The following VDR variants were observed in gnomAD, a reference collection of about 807,000 sequenced individuals.
VDR encodes vitamin D3 receptor.
A neutral mutation model predicts 39.7 loss-of-function variants in VDR; 19 were observed. The ratio of observed to expected loss-of-function variants is 0.48; its 90% confidence interval spans 0.33 to 0.70. The LOEUF (loss-of-function observed/expected upper bound fraction) is 0.70. Ranked by LOEUF, VDR falls within the 30% of genes least tolerant of loss-of-function variation. The probability of loss-of-function intolerance (pLI) is 0.02; values close to 1 mark genes in which losing one functional copy is unlikely to be tolerated. For missense variants in VDR, 442 were observed against 570.5 expected, an observed-to-expected ratio of 0.77 and a Z score of 2.29; for synonymous variants, 242 against 215.8, an observed-to-expected ratio of 1.12 and a Z score of -1.07.
chr12:47,862,241 G>A (rs1363750647), intron 4 of VDR, among the ~76,000 whole-genome samples: 1 of 152,238 alleles, frequency 6.6e-6, no homozygotes, highest in Non-Finnish European at 1.5e-5. Context: ...GAGAGAAAAT[G>A]AGTCTTTGGT....
chr12:47,896,312 A>G (rs550948300), intron 1 of VDR, among the ~76,000 whole-genome samples: 20 of 152,184 alleles, frequency 1.3e-4, no homozygotes, highest in Non-Finnish European at 2.4e-4. Context: ...TAATGACACA[A>G]AGCAATTGCC....
intron 7 of VDR, among the ~76,000 whole-genome samples, chr12:47,850,247 C>G (rs1164791662): frequency 6.6e-6 from 1 of 152,184 alleles, no homozygotes; most frequent in East Asian, 1.9e-4. Context: ...TATACTAATT[C>G]TTTATCCTAC....
chr12:47,882,820 C>T lies in VDR; in HGVS notation c.-83-46G>A, dbSNP rs1157462591. The T allele has an allele frequency of 8.1e-6, 12 of 1,478,930 alleles. No individual in the cohort carries two copies. In the Admixed American group the frequency reaches 2.4e-4, roughly 30 times the overall value. The allele number at this position is 1,478,930 out of a possible 1,614,324, so 91.6% of individuals were successfully genotyped here. On this transcript the variant is annotated intron_variant, in intron 1 of 9. Transcript: ENST00000549336. ...CCTTTTATCTAAGGCGGAGCGCTGA[C>T]CGCCTCCCCAGTCTCTAAGGAAGTG...
intron 3 of VDR, among the ~76,000 whole-genome samples, chr12:47,868,368 T>C (rs1945779478): frequency 6.6e-6 from 1 of 152,226 alleles, no homozygotes; most frequent in Non-Finnish European, 1.5e-5. Context: ...CACCAGGCTA[T>C]CAGGGGCTCC....
chr12:47,875,720 C>A (rs1945986139), intron 3 of VDR, among the ~76,000 whole-genome samples: 1 of 152,178 alleles, frequency 6.6e-6, no homozygotes, highest in African/African-American at 2.4e-5. Context: ...AAACACTGTT[C>A]CTGGAGGAAA....
chr12:47,869,258 C>T (rs1473366388), intron 3 of VDR, among the ~76,000 whole-genome samples: 2 of 152,204 alleles, frequency 1.3e-5, no homozygotes, highest in South Asian at 2.1e-4. Flanking sequence ...AAGAGAAGGC[C>T]GGGCGCGGTG....
intron 3 of VDR, among the ~76,000 whole-genome samples, chr12:47,873,184 C>T (rs904527309): frequency 6.6e-6 from 1 of 152,038 alleles, no homozygotes; most frequent in Non-Finnish European, 1.5e-5. Context: ...AGTGAGTTCT[C>T]ACAAGATCTG....
At position 47,855,753 on chromosome 12, in the gene VDR, T is replaced by C. The variant is rs140331946; in HGVS notation, c.632A>G (p.Asp211Gly). The C allele has an allele frequency of 3.0e-5, 49 of 1,614,050 alleles. No homozygotes were observed. The highest frequency in any genetic ancestry group is 4.2e-5 in the Non-Finnish European group (49 of 1,180,012). ...SFSNLDLSEE[D>G]SDDPSVTLEL... Reference sequence around the variant, plus strand: ...TAGGGTCACAGAAGGGTCATCTGAATCTTCTTCACTCAGATCCAGATTGGA... The same window carrying C: ...TAGGGTCACAGAAGGGTCATCTGAACCTTCTTCACTCAGATCCAGATTGGA... Residue 211 changes from aspartate (D) to glycine (G), a missense_variant, in exon 7 of 10, where the codon GAT (aspartate) becomes GGT (glycine). By Grantham distance (94) the Asp-to-Gly change is moderately conservative. Around this residue, in one of 5 missense-constraint regions of VDR, gnomAD observed 77 missense variants for 67.4 expected, o/e 1.14. Coordinates refer to ENST00000549336, the MANE Select transcript of VDR (RefSeq NM_000376.3).
intron 1 of VDR, among the ~76,000 whole-genome samples, chr12:47,889,090 G>A (rs932312837): frequency 6.6e-6 from 1 of 152,048 alleles, no homozygotes; most frequent in Admixed American, 6.5e-5. Context: ...ATAAAAACAA[G>A]AGAGGAGAAG....
At chr12:47,876,620 A>G (rs918311231) in intron 3 of VDR, among the ~76,000 whole-genome samples, 23 of 152,224 alleles carry the variant, frequency 1.5e-4, no homozygotes, top group Admixed American at 1.5e-3. Context: ...AGGTGGCATC[A>G]TGTGCCCACA....
intron 3 of VDR, among the ~76,000 whole-genome samples, chr12:47,872,150 AT>A (rs1945896192): frequency 6.6e-6 from 1 of 152,250 alleles, no homozygotes; most frequent in Non-Finnish European, 1.5e-5. Context: ...TAAAAATGAA[AT>A]GCAGTCTTTG....
intron 7 of VDR, among the ~76,000 whole-genome samples, chr12:47,853,752 T>A (rs938120419): frequency 6.6e-6 from 1 of 151,874 alleles, no homozygotes; most frequent in African/African-American, 2.4e-5. Context: ...GGAAACTCTG[T>A]CTCAAAAAAA....
chr12:47,887,103 G>A (rs998054483), intron 1 of VDR, among the ~76,000 whole-genome samples: 13 of 152,112 alleles, frequency 8.5e-5, no homozygotes, highest in African/African-American at 3.1e-4. Context: ...CTTGAGGTCA[G>A]GAGTTCGAGA....
chr12:47,888,228 C>T (rs1225123559), intron 1 of VDR, among the ~76,000 whole-genome samples: 1 of 152,148 alleles, frequency 6.6e-6, no homozygotes, highest in Non-Finnish European at 1.5e-5. Flanking sequence ...AAACTGGCCC[C>T]CATGATTCAA....
In VDR at chr12:47,845,025, G is replaced by C; in HGVS notation, c.1025-20C>G. 6.2e-7 allele frequency: 1 copy of C among 1,608,530 alleles called. No homozygotes were observed. The highest frequency in any genetic ancestry group is 8.5e-7 in the Non-Finnish European group (1 of 1,179,766). ...GACGATCTGTGGGCACGGGGATAGAGAAGAAGGCACAGGAGCTCTCAGCTG... is the reference window on the plus strand; with the variant it reads ...GACGATCTGTGGGCACGGGGATAGACAAGAAGGCACAGGAGCTCTCAGCTG... On this transcript the variant is annotated intron_variant, in intron 9 of 9. Transcript: ENST00000549336.
chr12:47,879,648 A>G lies in VDR; in HGVS notation c.-2-533T>C, dbSNP rs191366819. Among the ~76,000 whole-genome samples the G allele has an allele frequency of 3.1e-3, 474 of 152,252 alleles. 1 individual carries two copies. The highest frequency in any genetic ancestry group is 5.5e-3 in the Non-Finnish European group (377 of 68,014). On this transcript the variant is annotated intron_variant, in intron 2 of 9. Transcript: ENST00000549336. Reference sequence around the variant, plus strand: ...CTCTTGAGGGTGGGGGGAATTGAGGATTTAGGTGCCCTGGTCATTCCAGCC... The same window carrying G: ...CTCTTGAGGGTGGGGGGAATTGAGGGTTTAGGTGCCCTGGTCATTCCAGCC...
chr12:47,868,381 A>AGCTC lies in VDR; in HGVS notation c.147-3208_147-3205dup, dbSNP rs1945779871. On this transcript the variant is annotated intron_variant, in intron 3 of 9. Coordinates refer to ENST00000549336, the MANE Select transcript of VDR (RefSeq NM_000376.3). ...AGCACCAGGCTATCAGGGGCTCCTTAGCTCCAAGTCTAGCCCGCCTCAGGC... is the reference window on the plus strand; with the variant it reads ...AGCACCAGGCTATCAGGGGCTCCTTAGCTCGCTCCAAGTCTAGCCCGCCTCAGGC... Among the ~76,000 whole-genome samples, 3 of 152,232 alleles carry AGCTC rather than the reference A, an allele frequency of 2.0e-5. No individual in the cohort carries two copies. In the South Asian group the frequency reaches 6.2e-4, roughly 31 times the overall value.
At chr12:47,861,131 C>CACT (rs1385689832) in intron 4 of VDR, among the ~76,000 whole-genome samples, 42 of 152,248 alleles carry the variant, frequency 2.8e-4, no homozygotes, top group Non-Finnish European at 4.1e-4. Context: ...AGGTCATAAC[C>CACT]ACTAGCCTCT....
chr12:47,866,007 G>T (rs1039479458), intron 3 of VDR, among the ~76,000 whole-genome samples: 2 of 151,762 alleles, frequency 1.3e-5, no homozygotes, highest in South Asian at 2.1e-4. Context: ...GAGCCATCGC[G>T]CACAGCCACG....
Sources: gnomAD v4.1 joint callset for allele counts (sites outside exome capture counted in the v4.1 genomes callset) on GRCh38, gnomAD v4.1.1 for gene constraint, gnomAD v4.1.1 regional missense constraint, MANE v1.5 for transcripts, NCBI Gene and HGNC (gene_info 2026-07-23, HGNC 2026-07-21) for gene names.